Variants in KNTC1 observed in about 807,000 individuals in gnomAD.
The protein encoded by KNTC1 is kinetochore-associated protein 1.
A neutral mutation model predicts 314.4 loss-of-function variants in KNTC1; 253 were observed. The observed-to-expected ratio is 0.80, with a 90% confidence interval of 0.73 to 0.89. KNTC1 has a LOEUF of 0.89. Ranked by LOEUF, KNTC1 falls within the 40% of genes least tolerant of loss-of-function variation. The pLI is 0.00. For synonymous variants in KNTC1, 901 were observed against 901.4 expected (o/e 1.00, Z 0.01); for missense variants, 2,475 against 2,572.9 (o/e 0.96, Z 0.82).
At chr12:122,625,147 G>A (rs1300414118) in intron 63 of KNTC1, among the ~76,000 whole-genome samples, 1 of 152,142 alleles carries the variant, frequency 6.6e-6, no homozygotes, top group Non-Finnish European at 1.5e-5. Flanking sequence ...GCTCACACCT[G>A]TAATCCCAGC....
In KNTC1 at chr12:122,613,193, A is replaced by G. The variant is rs931916476; in HGVS notation, c.5704A>G (p.Ile1902Val). The change falls in exon 54 of 64, where the codon ATA (isoleucine) becomes GTA (valine). Residue 1902 changes from isoleucine (I) to valine (V), a missense_variant. Transcript: ENST00000333479. The part of the protein sequence containing the change: ...CLFYLADKET[I>V]ESLFKKPIEE... ...CTTCTATTTGGCTGACAAGGAAACT[A>G]TAGAATCTCTCTTTAAAAAACCCAT... 2 of 1,611,704 alleles carry G rather than the reference A, an allele frequency of 1.2e-6. No individual in the cohort carries two copies. Among genetic ancestry groups the G allele is most frequent in the African/African-American group, 1.3e-5 (1 of 74,892 alleles).
At chr12:122,618,453 T>C in intron 58 of KNTC1, 29 bp from the exon 59 acceptor site, 1 of 1,605,074 alleles carries the variant, frequency 6.2e-7, no homozygotes, top group Non-Finnish European at 8.5e-7. Context: ...TGTGTGTATA[T>C]CATGGTTGTT....
chr12:122,624,920 C>T (rs530377842), intron 63 of KNTC1, among the ~76,000 whole-genome samples: 3 of 152,338 alleles, frequency 2.0e-5, no homozygotes, highest in Admixed American at 2.0e-4. Context: ...GCTTAGTCTT[C>T]AGATCTGGAC....
In KNTC1 at chr12:122,620,737, C is replaced by G. The variant is rs763188021; in HGVS notation, c.6279+129C>G. The G allele has an allele frequency of 5.4e-6, 5 of 926,014 alleles. No individual in the cohort carries two copies. The African/African-American group carries it at 6.6e-5, about 12-fold the overall frequency. The allele number at this position is 926,014 out of a possible 1,614,324, so 57.4% of individuals were successfully genotyped here. On this transcript the variant is annotated intron_variant, in intron 60 of 63. Transcript: ENST00000333479. ...ATGAATACATCAGATATGTGTGAAGCTTGTATGGGGGCTTAGTGGGAGGTA... is the reference window on the plus strand; with the variant it reads ...ATGAATACATCAGATATGTGTGAAGGTTGTATGGGGGCTTAGTGGGAGGTA...
Position 122,613,882 on chromosome 12 carries a change from C to A in KNTC1, c.5877+121C>A, listed in dbSNP as rs1031866910. 9 of 1,055,256 alleles carry A rather than the reference C, an allele frequency of 8.5e-6. No individual in the cohort carries two copies. The East Asian group carries it at 2.4e-4, about 28-fold the overall frequency. The allele number at this position is 1,055,256 out of a possible 1,614,324, so 65.4% of individuals were successfully genotyped here. A position where few individuals can be genotyped will look rare whatever the true frequency, so the allele number is the denominator to read the frequency against. ...TGGGGACAGAGTTTTGCTCTGTTGC[C>A]CAGGCTGGAGTACAGTGGTGTGATC... On this transcript the variant is annotated intron_variant, in intron 55 of 63. Transcript: ENST00000333479.
intron 29 of KNTC1, among the ~76,000 whole-genome samples, chr12:122,576,316 G>A (rs1965017619): frequency 1.3e-5 from 2 of 152,112 alleles, no homozygotes; most frequent in South Asian, 4.1e-4. Context: ...TGATCTGCCT[G>A]CCTCGGCCTC....
chr12:122,618,271 C>T (rs1873986166), intron 57 of KNTC1, 72 bp from the exon 58 acceptor site: 2 of 1,398,106 alleles, frequency 1.4e-6, no homozygotes, highest in Admixed American at 3.7e-5. Flanking sequence ...CGCGCCTGGC[C>T]TAGACTGCAA....
chr12:122,574,163 G>GT (rs2137930001), intron 26 of KNTC1, 119 bp from the exon 27 acceptor site: 9 of 576,140 alleles, frequency 1.6e-5, no homozygotes, highest in Admixed American at 3.6e-5. Flanking sequence ...GAATTTTTAG[G>GT]TTTTTTTTCT....
intron 21 of KNTC1, among the ~76,000 whole-genome samples, chr12:122,569,163 A>C (rs1964528295): frequency 6.6e-6 from 1 of 152,228 alleles, no homozygotes; most frequent in African/African-American, 2.4e-5. Context: ...AGTTAACCAA[A>C]AAAAGAGTCT....
chr12:122,584,905 A>C lies in KNTC1; in HGVS notation c.3449A>C (p.Asp1150Ala), dbSNP rs1869009644. 7 of 1,549,910 alleles carry C rather than the reference A, an allele frequency of 4.5e-6. No homozygotes were observed. Among genetic ancestry groups the C allele is most frequent in the Non-Finnish European group, 6.2e-6 (7 of 1,126,146 alleles). ...ATICSPDFLLDALELCKHTLM... is the reference protein window; with the variant it reads ...ATICSPDFLLAALELCKHTLM... ...CATTTTGTTTCAGATTTTTTACTAGATGCTTTAGAACTATGTAAACATACT... is the reference window on the plus strand; with the variant it reads ...CATTTTGTTTCAGATTTTTTACTAGCTGCTTTAGAACTATGTAAACATACT... The change falls in exon 36 of 64, where the codon GAT becomes GCT. Residue 1150 changes from aspartate (D) to alanine (A), a missense_variant. Physicochemically the swap from Asp to Ala is moderately radical, Grantham distance 126. Transcript: ENST00000333479.
chr12:122,555,099 C>T (rs957487062), intron 16 of KNTC1, among the ~76,000 whole-genome samples: 2 of 152,114 alleles, frequency 1.3e-5, no homozygotes, highest in African/African-American at 2.4e-5. Flanking sequence ...ATTTCAGACA[C>T]GTTACTTAAC....
At chr12:122,612,007 A>G (rs1406428324) in intron 53 of KNTC1, among the ~76,000 whole-genome samples, 1 of 152,036 alleles carries the variant, frequency 6.6e-6, no homozygotes, top group Non-Finnish European at 1.5e-5. Flanking sequence ...TGTGGATTCA[A>G]AAGTTGAGGT....
intron 18 of KNTC1, among the ~76,000 whole-genome samples, chr12:122,560,722 T>C (rs1472552824): frequency 6.6e-6 from 1 of 152,234 alleles, no homozygotes; most frequent in Non-Finnish European, 1.5e-5. Context: ...CCATGGTGAC[T>C]GTGCCATTTC....
intron 5 of KNTC1, among the ~76,000 whole-genome samples, chr12:122,540,855 C>G (rs1962249789): frequency 6.6e-6 from 1 of 152,024 alleles, no homozygotes; most frequent in Non-Finnish European, 1.5e-5. Flanking sequence ...TGTAACATTA[C>G]TATAATATTT....
intron 18 of KNTC1, among the ~76,000 whole-genome samples, chr12:122,557,933 G>A (rs925662309): frequency 3.3e-5 from 5 of 152,012 alleles, no homozygotes; most frequent in Non-Finnish European, 5.9e-5. Context: ...GTCAATTTTA[G>A]AACTTTTAAA....
intron 43 of KNTC1, 192 bp from the exon 44 acceptor site, chr12:122,597,539 A>T (rs369049795): frequency 1.8e-6 from 1 of 563,646 alleles, no homozygotes; most frequent in African/African-American, 1.9e-5. Context: ...GAGCCACTGC[A>T]CCCGGCCTAA....
Position 122,613,190 on chromosome 12 carries a change from A to T in KNTC1, c.5701A>T (p.Thr1901Ser). ...QCLFYLADKE[T>S]IESLFKKPIE... ...TCTCTTCTATTTGGCTGACAAGGAA[A>T]CTATAGAATCTCTCTTTAAAAAACC... The change falls in exon 54 of 64, where the codon ACT becomes TCT. Residue 1901 changes from threonine to serine, a missense_variant. Physicochemically the swap from Thr to Ser is moderately conservative, Grantham distance 58. Coordinates refer to ENST00000333479, the MANE Select transcript of KNTC1 (RefSeq NM_014708.6). The T allele has an allele frequency of 1.2e-5, 19 of 1,612,300 alleles. No homozygotes were observed. The highest frequency in any genetic ancestry group is 1.6e-5 in the Non-Finnish European group (19 of 1,178,580).
chr12:122,580,688 T>A lies in KNTC1; in HGVS notation c.2982+18T>A. ...GCTTACAGGTAAACATATTGAGCCA[T>A]GTTAAACATTATTACTTGACCAATC... On this transcript the variant is annotated intron_variant, in intron 33 of 63. Transcript: ENST00000333479. 6.7e-7 allele frequency: 1 copy of A among 1,489,780 alleles called. No homozygotes were observed. 92.3% of individuals were successfully genotyped at this position (1,489,780 alleles called of 1,614,324 possible).
At chr12:122,556,729 C>G (rs1176886878) in intron 16 of KNTC1, among the ~76,000 whole-genome samples, 1 of 151,942 alleles carries the variant, frequency 6.6e-6, no homozygotes, top group Non-Finnish European at 1.5e-5. Flanking sequence ...TCCCAAAGTG[C>G]TGGGATTACA....
Sources: gnomAD v4.1 joint callset for allele counts (sites outside exome capture counted in the v4.1 genomes callset) on GRCh38, gnomAD v4.1.1 for gene constraint, MANE v1.5 for transcripts, NCBI Gene and HGNC (gene_info 2026-07-23, HGNC 2026-07-21) for gene names.